ZNF555: variants seen among roughly 807,000 people sequenced by gnomAD.
ZNF555 encodes the protein zinc finger protein 555.
In ZNF555, 10 loss-of-function variants were observed where a neutral mutation model predicts 14.0. That is an observed-to-expected ratio of 0.72 (90% confidence interval 0.44 to 1.21). The LOEUF (loss-of-function observed/expected upper bound fraction) is 1.21. Ranked by LOEUF, ZNF555 falls within the 50% of genes most tolerant of loss-of-function variation. The pLI is 0.00. For missense variants in ZNF555, 747 were observed against 762.0 expected (o/e 0.98, Z 0.23); for synonymous variants, 277 against 262.4 (o/e 1.06, Z -0.54).
At position 2,852,750 on chromosome 19, in the gene ZNF555, G is replaced by C. The variant is rs150058931; in HGVS notation, c.685G>C (p.Glu229Gln). The change falls in exon 4 of 4, where the codon GAA becomes CAA. Residue 229 changes from glutamate (E) to glutamine (Q), a missense_variant. Glu to Gln is a conservative substitution (Grantham distance 29). Transcript: ENST00000334241. ...VRIHTAEKTYECKQCGKAFID... is the reference protein window; with the variant it reads ...VRIHTAEKTYQCKQCGKAFID... ...GATTCACACTGCTGAGAAAACCTAC[G>C]AATGTAAGCAATGTGGGAAAGCCTT... 1 of 1,614,006 alleles carries C rather than the reference G, an allele frequency of 6.2e-7. No individual in the cohort carries two copies. Among genetic ancestry groups the C allele is most frequent in the Non-Finnish European group, 8.5e-7 (1 of 1,180,016 alleles).
rs201931313 is a variant in ZNF555, at chr19:2,853,522, G to C, written c.1457G>C (p.Gly486Ala). Residue 486 changes from glycine (G) to alanine (A), a missense_variant, in exon 4 of 4, where the codon GGG (glycine) becomes GCG (alanine). Physicochemically the swap from Gly to Ala is moderately conservative, Grantham distance 60 (BLOSUM62 0). Transcript: ENST00000334241. ...AAATCCTATGAATGCAAGCTATGTG[G>C]GAAAGCTTTCTATTGCCACATATCC... The part of the protein sequence containing the change: ...EDKSYECKLC[G>A]KAFYCHISLQ... The C allele has an allele frequency of 1.2e-6, 2 of 1,614,070 alleles. No homozygotes were observed. The highest frequency in any genetic ancestry group is 2.7e-5 in the African/African-American group (2 of 75,030).
rs563723456 is a variant in ZNF555 at position 2,852,899 on chromosome 19, C to T, written c.834C>T (p.His278=). ...CGTTTCGAAGACACACAATAACACA[C>T]ACTGGCGAGAAGCCATATAAATGTA... is the stretch of plus-strand genomic sequence containing the variant. ...SSTFRRHTIT[H]TGEKPYKCKE... is the part of the protein sequence containing the mutation. Residue 278 remains histidine, a synonymous_variant, in exon 4 of 4, where the codon CAC becomes CAT. Transcript: ENST00000334241. 6.2e-7 allele frequency: 1 copy of T among 1,614,208 alleles called. No individual in the cohort carries two copies. The highest frequency in any genetic ancestry group is 1.1e-5 in the South Asian group (1 of 91,088).
chr19:2,846,094 T>A (rs570069074), intron 1 of ZNF555, among the ~76,000 whole-genome samples: 2 of 152,324 alleles, frequency 1.3e-5, no homozygotes, highest in South Asian at 4.1e-4. Flanking sequence ...GTTCTCAGTG[T>A]AGACCGAATA....
Position 2,851,228 on chromosome 19 carries a change from C to T in ZNF555, c.131-240C>T, listed in dbSNP as rs141918447. 1.4e-3 allele frequency among the ~76,000 whole-genome samples: 216 copies of T among 151,874 alleles called. 2 individuals are homozygous for T. In the East Asian group the frequency reaches 0.034, roughly 24 times the overall value. ...AGCCAGGCTGCTCTTGAACTCCTGA[C>T]GTTGTGATCCACCCGCCTCAGCCTC... is the stretch of plus-strand genomic sequence containing the variant. On this transcript the variant is annotated intron_variant, in intron 2 of 3. Coordinates refer to ENST00000334241, the MANE Select transcript of ZNF555 (RefSeq NM_152791.5).
chr19:2,856,195 T>C lies in ZNF555; in HGVS notation c.*2243T>C, dbSNP rs537994646. 60 of 134,778 alleles carry C rather than the reference T, an allele frequency of 4.5e-4. No individual in the cohort carries two copies. Among genetic ancestry groups the C allele is most frequent in the African/African-American group, 1.6e-3 (58 of 37,146 alleles). 8.3% of individuals were successfully genotyped at this position (134,778 alleles called of 1,614,324 possible). A position where few individuals can be genotyped will look rare whatever the true frequency, so the allele number is the denominator to read the frequency against. ...ATTTTTAATTGCTGTATACTTAACATTTGCCATTAAAATGATTTTTTTTTT... is the reference window on the plus strand; with the variant it reads ...ATTTTTAATTGCTGTATACTTAACACTTGCCATTAAAATGATTTTTTTTTT... On this transcript the variant is annotated 3_prime_UTR_variant, in exon 4 of 4. Transcript: ENST00000334241.
chr19:2,843,714 A>G (rs755588906), intron 1 of ZNF555, among the ~76,000 whole-genome samples: 7 of 152,160 alleles, frequency 4.6e-5, no homozygotes, highest in Non-Finnish European at 8.8e-5. Flanking sequence ...TGTTCCTGAA[A>G]TAGGTAGAAT....
rs868029906 is a variant in ZNF555 at position 2,841,497 on chromosome 19, C to T, written c.-76C>T. The stretch of plus-strand genomic sequence containing the variant: ...TCTGTCCTAGCCGTGAGTGCCCCGC[C>T]TGCCCCTAGCGGTCCCTGGCGTCCC... On this transcript the variant is annotated 5_prime_UTR_variant, in exon 1 of 4. Transcript: ENST00000334241. The T allele has an allele frequency of 5.2e-6, 8 of 1,543,600 alleles. No individual in the cohort carries two copies. Among genetic ancestry groups the T allele is most frequent in the Non-Finnish European group, 7.0e-6 (8 of 1,143,276 alleles).
rs1359992857 is a variant in ZNF555 at position 2,855,407 on chromosome 19, C to G, written c.*1455C>G. 1 of 152,018 alleles carries G rather than the reference C, an allele frequency of 6.6e-6. No homozygotes were observed. The highest frequency in any genetic ancestry group is 1.5e-5 in the Non-Finnish European group (1 of 67,986). The allele number at this position is 152,018 out of a possible 1,614,324, so 9.4% of individuals were successfully genotyped here. ...CTCTACTAAAAACACAAAAATTAGC[C>G]AGGCATGGTGGTGAGTACCTGTAAC... On this transcript the variant is annotated 3_prime_UTR_variant, in exon 4 of 4. Transcript: ENST00000334241.
At chr19:2,846,274 G>A (rs761005096) in intron 1 of ZNF555, among the ~76,000 whole-genome samples, 68 of 152,288 alleles carry the variant, frequency 4.5e-4, no homozygotes, top group Non-Finnish European at 7.8e-4. Flanking sequence ...CAGGGTTGTC[G>A]GATGTGATCA....
intron 1 of ZNF555, among the ~76,000 whole-genome samples, chr19:2,843,748 T>C (rs992564041): frequency 6.6e-6 from 1 of 152,266 alleles, no homozygotes; most frequent in African/African-American, 2.4e-5. Context: ...CTTGTTTAGA[T>C]GACAATTTGT....
rs141820674 is a variant in ZNF555 at position 2,845,630 on chromosome 19, G to A, written c.3+4055G>A. Among the ~76,000 whole-genome samples the A allele has an allele frequency of 7.8e-3, 1,180 of 152,104 alleles. 15 individuals are homozygous for A. Among genetic ancestry groups the A allele is most frequent in the African/African-American group, 0.027 (1,118 of 41,506 alleles). On this transcript the variant is annotated intron_variant, in intron 1 of 3. Transcript: ENST00000334241. ...CCCTGCCAACATCTGTTATTTTTTA[G>A]CTTTTTAATAACAGCCATTCTGACG...
chr19:2,850,056 C>T (rs2087615889), intron 1 of ZNF555, among the ~76,000 whole-genome samples: 1 of 152,152 alleles, frequency 6.6e-6, no homozygotes, highest in African/African-American at 2.4e-5. Context: ...CAATACTTCT[C>T]AAAAGAATGT....
rs1568344821 is a variant in ZNF555 at position 2,853,055 on chromosome 19, C to G, written c.990C>G (p.His330Gln). The G allele has an allele frequency of 6.2e-7, 1 of 1,613,990 alleles. No individual in the cohort carries two copies. The highest frequency in any genetic ancestry group is 1.7e-5 in the Admixed American group (1 of 60,008). The change falls in exon 4 of 4, where the codon CAC becomes CAG. Residue 330 changes from histidine (H) to glutamine (Q), a missense_variant. Physicochemically the swap from His to Gln is conservative, Grantham distance 24. Transcript: ENST00000334241. ...GTTATTCTTCGGCTTTTCGAAGACA[C>G]ATGATAACACACACTGGAGAGAAAC... ...AFSYSSAFRR[H>Q]MITHTGEKPY... is the part of the protein sequence containing the mutation.
At position 2,853,389 on chromosome 19, in the gene ZNF555, C is replaced by A; in HGVS notation, c.1324C>A (p.His442Asn). 1 of 1,614,060 alleles carries A rather than the reference C, an allele frequency of 6.2e-7. No homozygotes were observed. The highest frequency in any genetic ancestry group is 1.1e-5 in the South Asian group (1 of 91,070). The change falls in exon 4 of 4, where the codon CAT (histidine) becomes AAT (asparagine). Residue 442 changes from histidine to asparagine, a missense_variant. Physicochemically the swap from His to Asn is moderately conservative, Grantham distance 68. Coordinates refer to ENST00000334241, the MANE Select transcript of ZNF555 (RefSeq NM_152791.5). ...TFNWPISLRKHMRTHTREKPY... is the reference protein window; with the variant it reads ...TFNWPISLRKNMRTHTREKPY... ...CAATTGGCCCATATCTTTACGAAAA[C>A]ATATGAGAACACATACTAGAGAGAA...
intron 1 of ZNF555, among the ~76,000 whole-genome samples, chr19:2,844,099 T>TC (rs70947741): frequency 0.26 from 26,279 of 101,224 alleles, 3,905 homozygotes; most frequent in East Asian, 0.5. Flanking sequence ...CTCTCTTTTC[T>TC]TTTTTTTTTT....
intron 1 of ZNF555, among the ~76,000 whole-genome samples, chr19:2,848,819 C>T (rs537416691): frequency 2.6e-5 from 4 of 152,228 alleles, no homozygotes; most frequent in African/African-American, 9.6e-5. Context: ...GATTCCATTT[C>T]CAGAAGGAAA....
In ZNF555 at chr19:2,859,604, G is replaced by A. The variant is rs151053455; in HGVS notation, c.*5652G>A. 6 of 152,298 alleles carry A rather than the reference G, an allele frequency of 3.9e-5. No homozygotes were observed. Among genetic ancestry groups the A allele is most frequent in the African/African-American group, 9.6e-5 (4 of 41,538 alleles). 9.4% of individuals were successfully genotyped at this position (152,298 alleles called of 1,614,324 possible). ...GGAGCTCAGTCTTAGAATATGAGCC[G>A]TGTCAGGGGCTACAGCATCATCACT... On this transcript the variant is annotated 3_prime_UTR_variant, in exon 4 of 4. Coordinates refer to ENST00000334241, the MANE Select transcript of ZNF555 (RefSeq NM_152791.5).
At position 2,860,278 on chromosome 19, in the gene ZNF555, C is replaced by T. The variant is rs1255854376; in HGVS notation, c.*6326C>T. 1 of 151,860 alleles carries T rather than the reference C, an allele frequency of 6.6e-6. No homozygotes were observed. The highest frequency in any genetic ancestry group is 6.6e-5 in the Admixed American group (1 of 15,234). 9.4% of individuals were successfully genotyped at this position (151,860 alleles called of 1,614,324 possible). A position where few individuals can be genotyped will look rare whatever the true frequency, so the allele number is the denominator to read the frequency against. On this transcript the variant is annotated 3_prime_UTR_variant, in exon 4 of 4. Coordinates refer to ENST00000334241, the MANE Select transcript of ZNF555 (RefSeq NM_152791.5). ...AGGTCCCATGTGTCTCAGTGGTGGTCCCTGTTTTCAGGAAAGAGTGTCTGT... is the reference window on the plus strand; with the variant it reads ...AGGTCCCATGTGTCTCAGTGGTGGTTCCTGTTTTCAGGAAAGAGTGTCTGT...
At position 2,860,155 on chromosome 19, in the gene ZNF555, G is replaced by A. The variant is rs1027287422; in HGVS notation, c.*6203G>A. 5.9e-5 allele frequency: 9 copies of A among 152,164 alleles called. No individual in the cohort carries two copies. The highest frequency in any genetic ancestry group is 8.8e-5 in the Non-Finnish European group (6 of 68,068). The allele number at this position is 152,164 out of a possible 1,614,324, so 9.4% of individuals were successfully genotyped here. On this transcript the variant is annotated 3_prime_UTR_variant, in exon 4 of 4. Coordinates refer to ENST00000334241, the MANE Select transcript of ZNF555 (RefSeq NM_152791.5). ...GTGGGATAGTCTGTTACTACCTCTG[G>A]GACTCTCATCTCTTGAGTGTGCTTG... is the stretch of plus-strand genomic sequence containing the variant.
Sources: allele counts gnomAD v4.1 joint callset (sites outside exome capture counted in the v4.1 genomes callset), GRCh38; gene constraint gnomAD v4.1.1; transcripts MANE v1.5; gene names NCBI Gene and HGNC (gene_info 2026-07-23, HGNC 2026-07-21).